Variants in MED12L observed in about 807,000 individuals in gnomAD.
The protein encoded by MED12L is mediator complex subunit 12L.
In MED12L, 60 loss-of-function variants were observed where a neutral mutation model predicts 281.3. That is an observed-to-expected ratio of 0.21 (90% CI 0.17 to 0.26). MED12L has a LOEUF of 0.26. Ranked by LOEUF, MED12L falls within the 10% of genes least tolerant of loss-of-function variation. MED12L has a pLI of 1.00. For missense variants in MED12L, 2,146 were observed against 2,680.9 expected (o/e 0.80, Z 4.41); for synonymous variants, 974 against 987.2 (o/e 0.99, Z 0.25).
intron 16 of MED12L, chr3:151,214,088 TGAAAG>T (rs1727699264): frequency 1.2e-6 from 2 of 1,614,088 alleles, no homozygotes; most frequent in African/African-American, 1.3e-5. Context: ...CCAAGGATCT[TGAAAG>T]GAAAAGTCAG....
intron 16 of MED12L, chr3:151,327,359 T>C (rs1749738737): frequency 6.6e-6 from 1 of 152,184 alleles, no homozygotes; most frequent in Admixed American, 6.5e-5. Flanking sequence ...ACACTTAAGG[T>C]GTAAGCAAAG....
In MED12L at chr3:151,392,467, G is replaced by GAA. The variant is rs200781609; in HGVS notation, c.5609-2168_5609-2167dup. ...GTGACAGAGCGAGACTCCATCTCAA[G>GAA]AAAAAAAAAAAAAAAAAAAAAAGTA... On this transcript the variant is annotated intron_variant, in intron 38 of 44. Coordinates refer to ENST00000687756, the MANE Select transcript of MED12L (RefSeq NM_001393769.1). Among the ~76,000 whole-genome samples the GAA allele has an allele frequency of 3.3e-3, 319 of 95,844 alleles. 1 individual carries two copies. The highest frequency in any genetic ancestry group is 3.5e-3 in the Non-Finnish European group (180 of 51,220). 62.9% of individuals were successfully genotyped at this position (95,844 alleles called of 152,430 possible).
chr3:151,274,016 A>G (rs987913551), intron 16 of MED12L, among the ~76,000 whole-genome samples: 9 of 152,170 alleles, frequency 5.9e-5, no homozygotes, highest in Non-Finnish European at 1.2e-4. Context: ...AGCATTTTAA[A>G]GTTCTCACAC....
At chr3:151,328,007 TTGTC>T (rs771711005) in intron 16 of MED12L, 4 of 1,574,896 alleles carry the variant, frequency 2.5e-6, no homozygotes, top group Non-Finnish European at 3.4e-6. Flanking sequence ...TAAGGTTATG[TTGTC>T]TGTCTGACTG....
At position 151,158,762 on chromosome 3, in the gene MED12L, A is replaced by G; in HGVS notation, c.800A>G (p.Asp267Gly). 3.1e-6 allele frequency: 5 copies of G among 1,613,168 alleles called. No individual in the cohort carries two copies. Among genetic ancestry groups the G allele is most frequent in the Non-Finnish European group, 3.4e-6 (4 of 1,179,388 alleles). ...DVLEKIRPMDDDLLKLLLPLM... is the reference protein window; with the variant it reads ...DVLEKIRPMDGDLLKLLLPLM... ...TTAGAAAAGATCAGACCAATGGATG[A>G]TGATCTTCTTAAACTCTTGCTACCA... Residue 267 changes from aspartate (D) to glycine (G), a missense_variant, in exon 7 of 45, where the codon GAT becomes GGT. By Grantham distance (94) the Asp-to-Gly change is moderately conservative. This residue lies in a region of MED12L where 722 missense variants were observed against 861.2 expected (regional missense o/e 0.84). Coordinates refer to ENST00000687756, the MANE Select transcript of MED12L (RefSeq NM_001393769.1).
intron 2 of MED12L, among the ~76,000 whole-genome samples, chr3:151,095,890 T>C (rs1720650025): frequency 6.6e-6 from 1 of 152,114 alleles, no homozygotes; most frequent in African/African-American, 2.4e-5. Context: ...AAAGCCAGAT[T>C]ATCACTTTCC....
intron 2 of MED12L, among the ~76,000 whole-genome samples, chr3:151,106,323 C>T (rs1418338410): frequency 8.9e-6 from 1 of 112,880 alleles, no homozygotes; most frequent in Non-Finnish European, 1.8e-5. Context: ...CCTCCCCTCC[C>T]CTCCCCTCCC....
rs1209325677 is a variant in MED12L, at chr3:151,085,755, T to TCGCTCGCCGCCCC, written c.-309_-297dup. On this transcript the variant is annotated 5_prime_UTR_variant, in exon 1 of 45. An upstream open reading frame in the 5' UTR loses its in-frame stop. Coordinates refer to ENST00000687756, the MANE Select transcript of MED12L (RefSeq NM_001393769.1). ...CGAGAACGCCGGCGGCGAGCCGGCGTCGCTCGCCGCCCCCAGACAGTGGCA... is the reference window on the plus strand; with the variant it reads ...CGAGAACGCCGGCGGCGAGCCGGCGTCGCTCGCCGCCCCCGCTCGCCGCCCCCAGACAGTGGCA... The TCGCTCGCCGCCCC allele has an allele frequency of 2.6e-5, 4 of 151,786 alleles. No homozygotes were observed. Among genetic ancestry groups the TCGCTCGCCGCCCC allele is most frequent in the African/African-American group, 9.7e-5 (4 of 41,332 alleles). The allele number at this position is 151,786 out of a possible 1,614,324, so 9.4% of individuals were successfully genotyped here. A position where few individuals can be genotyped will look rare whatever the true frequency, so the allele number is the denominator to read the frequency against.
chr3:151,116,611 T>C lies in MED12L; in HGVS notation c.204+169T>C, dbSNP rs138675269. Among the ~76,000 whole-genome samples the C allele has an allele frequency of 4.4e-3, 669 of 152,294 alleles. 4 individuals carry two copies. The highest frequency in any genetic ancestry group is 0.012 in the African/African-American group (513 of 41,572). ...CCAGGATCCAATCAGGGATCATACATTGCATTTCCTTGTCACATCTTTTAA... is the reference window on the plus strand; with the variant it reads ...CCAGGATCCAATCAGGGATCATACACTGCATTTCCTTGTCACATCTTTTAA... On this transcript the variant is annotated intron_variant, in intron 3 of 44. Coordinates refer to ENST00000687756, the MANE Select transcript of MED12L (RefSeq NM_001393769.1).
At chr3:151,251,365 A>G (rs79367295) in intron 16 of MED12L, among the ~76,000 whole-genome samples, 7,118 of 152,100 alleles carry the variant, frequency 0.047, 192 homozygotes, top group East Asian at 0.12. Context: ...TAGCCAGTCA[A>G]TCTCCAAAGC....
At chr3:151,386,658 C>A (rs999136604) in intron 36 of MED12L, among the ~76,000 whole-genome samples, 1 of 150,710 alleles carries the variant, frequency 6.6e-6, no homozygotes, top group Non-Finnish European at 1.5e-5. Flanking sequence ...CTCACTGCAA[C>A]CTCCACCTCC....
At chr3:151,160,589 G>A (rs886523864) in intron 8 of MED12L, among the ~76,000 whole-genome samples, 7 of 152,150 alleles carry the variant, frequency 4.6e-5, no homozygotes, top group African/African-American at 1.7e-4. Context: ...GGAATATCAG[G>A]AATGAGGTAC....
At position 151,331,262 on chromosome 3, in the gene MED12L, G is replaced by A. The variant is rs1011390911; in HGVS notation, c.2251-18797G>A. ...TTAGCTGATTTTTCCTTAGTTTACA[G>A]CAGCACTATTGCCTGCTGGGGAGGC... is the stretch of plus-strand genomic sequence containing the variant. On this transcript the variant is annotated intron_variant, in intron 16 of 44. Transcript: ENST00000687756. 3.3e-5 allele frequency among the ~76,000 whole-genome samples: 5 copies of A among 152,170 alleles called. No homozygotes were observed. In the East Asian group the frequency reaches 5.8e-4, roughly 18 times the overall value.
intron 44 of MED12L, among the ~76,000 whole-genome samples, chr3:151,432,172 T>A (rs1430881737): frequency 6.6e-6 from 1 of 152,220 alleles, no homozygotes; most frequent in Non-Finnish European, 1.5e-5. Context: ...AGTAGCTGTT[T>A]CTAAGCCCAT....
In MED12L at chr3:151,085,765, C is replaced by G. The variant is rs1302691767; in HGVS notation, c.-301C>G. 6.6e-6 allele frequency: 1 copy of G among 152,018 alleles called. No individual in the cohort carries two copies. The highest frequency in any genetic ancestry group is 2.1e-4 in the South Asian group (1 of 4,834). The allele number at this position is 152,018 out of a possible 1,614,324, so 9.4% of individuals were successfully genotyped here. A position where few individuals can be genotyped will look rare whatever the true frequency, so the allele number is the denominator to read the frequency against. On this transcript the variant is annotated 5_prime_UTR_variant, in exon 1 of 45. Transcript: ENST00000687756. ...GGCGGCGAGCCGGCGTCGCTCGCCG[C>G]CCCCAGACAGTGGCAAACTTCGCGG... is the stretch of plus-strand genomic sequence containing the variant.
chr3:151,349,524 T>A (rs763903811), intron 16 of MED12L, among the ~76,000 whole-genome samples: 1 of 152,126 alleles, frequency 6.6e-6, no homozygotes, highest in South Asian at 2.1e-4. Flanking sequence ...CCTCAAGAGA[T>A]CCTCCCACCT....
chr3:151,413,874 T>C (rs1717242140), intron 42 of MED12L, among the ~76,000 whole-genome samples: 1 of 69,366 alleles, frequency 1.4e-5, no homozygotes, highest in South Asian at 4.2e-4. Context: ...CCTTGATACA[T>C]TTTTTTTTTT....
chr3:151,397,207 A>C (rs1307954533), intron 39 of MED12L, among the ~76,000 whole-genome samples: 1 of 152,228 alleles, frequency 6.6e-6, no homozygotes, highest in African/African-American at 2.4e-5. Context: ...GTGATTGTAC[A>C]GTATTCACCT....
Position 151,394,659 on chromosome 3 carries a change from G to A in MED12L, c.5612G>A (p.Gly1871Asp), listed in dbSNP as rs767849002. The change falls in exon 39 of 45, where the codon GGC (glycine) becomes GAC (aspartate). Residue 1871 changes from glycine to aspartate, a missense_variant. Gly to Asp is a moderately conservative substitution (Grantham distance 94). Transcript: ENST00000687756. The part of the protein sequence containing the change: ...FLQNQSLTPG[G>D]SRLDPAGSFV... ...TTCCTTTTGGTTGCTTTTGTAGGTG[G>A]CTCCAGATTGGACCCTGCAGGCTCC... 6.2e-6 allele frequency: 10 copies of A among 1,613,972 alleles called. No homozygotes were observed. In the East Asian group the frequency reaches 2.0e-4, roughly 32 times the overall value.
Sources: allele counts gnomAD v4.1 joint callset (sites outside exome capture counted in the v4.1 genomes callset), GRCh38; gene constraint gnomAD v4.1.1; regional missense constraint gnomAD v4.1.1; transcripts MANE v1.5; gene names NCBI Gene and HGNC (gene_info 2026-07-23, HGNC 2026-07-21).